ATP2C1: variants seen among roughly 807,000 people sequenced by gnomAD.
ATP2C1 encodes calcium-transporting ATPase type 2C member 1.
A neutral mutation model predicts 120.5 loss-of-function variants in ATP2C1; 31 were observed. That is an observed-to-expected ratio of 0.26 (90% CI 0.19 to 0.35). The LOEUF is 0.35. ATP2C1 is among the 10% of genes least tolerant of loss of function. The pLI, the probability that ATP2C1 is intolerant of heterozygous loss-of-function variation, is 1.00. For missense variants in ATP2C1, 731 were observed against 1,107.5 expected (o/e 0.66, Z 4.83); for synonymous variants, 351 against 358.7 (o/e 0.98, Z 0.24).
At chr3:130,948,913 T>C (rs2108510652) in intron 8 of ATP2C1, among the ~76,000 whole-genome samples, 3 of 152,294 alleles carry the variant, frequency 2.0e-5, no homozygotes, top group Admixed American at 2.0e-4. Context: ...GGGGCATCAT[T>C]AACGATGTTC....
intron 2 of ATP2C1, among the ~76,000 whole-genome samples, chr3:130,906,015 T>G (rs72628525): frequency 1.3e-5 from 2 of 152,124 alleles, no homozygotes; most frequent in Middle Eastern, 3.2e-3. Flanking sequence ...GTATGAATAC[T>G]AATTCTCTCA....
At chr3:130,931,749 A>G (rs962408254) in intron 3 of ATP2C1, among the ~76,000 whole-genome samples, 6 of 152,046 alleles carry the variant, frequency 3.9e-5, no homozygotes, top group South Asian at 2.1e-4. Context: ...AAAGTGTACA[A>G]TTTGCATTTT....
intron 18 of ATP2C1, among the ~76,000 whole-genome samples, chr3:130,976,683 T>A (rs1014570198): frequency 6.6e-6 from 1 of 151,048 alleles, no homozygotes; most frequent in Non-Finnish European, 1.5e-5. Context: ...ATCTGGAACA[T>A]GCCCTGGATC....
intron 2 of ATP2C1, among the ~76,000 whole-genome samples, chr3:130,905,004 C>T (rs1203295559): frequency 1.3e-5 from 2 of 152,032 alleles, no homozygotes; most frequent in Admixed American, 6.6e-5. Flanking sequence ...AATACCCTCT[C>T]TCATTTTGTG....
intron 20 of ATP2C1, among the ~76,000 whole-genome samples, chr3:130,991,804 G>A (rs1227725594): frequency 6.6e-6 from 1 of 152,164 alleles, no homozygotes; most frequent in Non-Finnish European, 1.5e-5. Context: ...CCAGAGGTTA[G>A]TTCCTGGATA....
chr3:131,016,165 A>C, exon 27 of ATP2C1: 1 of 1,613,816 alleles, frequency 6.2e-7, no homozygotes, highest in Non-Finnish European at 8.5e-7. Flanking sequence ...TGGCTCTGGG[A>C]GAGGAGTGGA....
chr3:130,921,979 G>A (rs1559926334), intron 2 of ATP2C1, among the ~76,000 whole-genome samples: 1 of 152,152 alleles, frequency 6.6e-6, no homozygotes, highest in Non-Finnish European at 1.5e-5. Flanking sequence ...TGGCTTCATA[G>A]AATGATTTAC....
intron 16 of ATP2C1, among the ~76,000 whole-genome samples, chr3:130,968,795 T>G (rs2061165622): frequency 6.6e-6 from 1 of 152,156 alleles, no homozygotes; most frequent in African/African-American, 2.4e-5. Flanking sequence ...ATATTTGATA[T>G]TGATGCAAAC....
intron 2 of ATP2C1, among the ~76,000 whole-genome samples, chr3:130,909,109 T>C (rs1173055089): frequency 6.6e-6 from 1 of 152,154 alleles, no homozygotes; most frequent in African/African-American, 2.4e-5. Context: ...GAACTTAAGG[T>C]TCAGTGAAGA....
At chr3:130,942,466 T>G (rs1386846276) in intron 8 of ATP2C1, among the ~76,000 whole-genome samples, 1 of 152,206 alleles carries the variant, frequency 6.6e-6, no homozygotes, top group Non-Finnish European at 1.5e-5. Flanking sequence ...TATGCAGGTC[T>G]TATCCACCAT....
chr3:130,872,150 G>T (rs1338591737), intron 1 of ATP2C1, among the ~76,000 whole-genome samples: 4 of 151,752 alleles, frequency 2.6e-5, no homozygotes, highest in Non-Finnish European at 4.4e-5. Flanking sequence ...AATTTCAATT[G>T]TTGATTTAAA....
At chr3:130,860,242 A>G (rs2067972561) in intron 1 of ATP2C1, among the ~76,000 whole-genome samples, 1 of 152,254 alleles carries the variant, frequency 6.6e-6, no homozygotes, top group Non-Finnish European at 1.5e-5. Context: ...GCTTTTGTTC[A>G]GAATGAAAGA....
chr3:130,875,891 T>TC (rs2068586073), intron 1 of ATP2C1, among the ~76,000 whole-genome samples: 1 of 152,040 alleles, frequency 6.6e-6, no homozygotes, highest in African/African-American at 2.4e-5. Context: ...GTGTTTTTTT[T>TC]TTTTATGTAC....
chr3:130,937,396 G>A, intron 5 of ATP2C1, 32 bp from the exon 6 acceptor site: 2 of 1,599,550 alleles, frequency 1.3e-6, no homozygotes, highest in Non-Finnish European at 1.7e-6. Context: ...TCAAGTTAAT[G>A]TCTGATTTAA....
intron 1 of ATP2C1, among the ~76,000 whole-genome samples, chr3:130,888,625 A>G (rs1438996626): frequency 6.6e-6 from 1 of 152,182 alleles, no homozygotes; most frequent in African/African-American, 2.4e-5. Context: ...CACTGAGTTC[A>G]ATAGAAAGAC....
At chr3:130,998,511 C>A in intron 26 of ATP2C1, 122 bp downstream of exon 26, 1 of 749,954 alleles carries the variant, frequency 1.3e-6, no homozygotes, top group Non-Finnish European at 2.3e-6. Context: ...CAGATTGCAG[C>A]CCCAGACACA....
intron 1 of ATP2C1, among the ~76,000 whole-genome samples, chr3:130,854,483 T>A (rs2067773118): frequency 1.3e-5 from 2 of 152,176 alleles, no homozygotes; most frequent in South Asian, 4.1e-4. Context: ...TGGTGTCTAG[T>A]TTATAAGGAA....
At chr3:130,997,807 G>A in intron 25 of ATP2C1, 54 bp downstream of exon 25, 1 of 1,588,038 alleles carries the variant, frequency 6.3e-7, no homozygotes, top group Non-Finnish European at 8.6e-7. Context: ...TATCTGATAG[G>A]ATTCTTAGTT....
Position 131,001,260 on chromosome 3 carries a change from A to G in ATP2C1, c.2670A>G (p.Ile890Met). The G allele has an allele frequency of 1.2e-6, 2 of 1,613,950 alleles. No individual in the cohort carries two copies. Among genetic ancestry groups the G allele is most frequent in the Non-Finnish European group, 1.7e-6 (2 of 1,179,924 alleles). Residue 890 changes from isoleucine to methionine, a missense_variant, in exon 28 of 28, where the codon ATA (isoleucine) becomes ATG (methionine). Physicochemically the swap from Ile to Met is conservative, Grantham distance 10. This residue lies in a region of ATP2C1 where 141 missense variants were observed against 201.6 expected (regional missense o/e 0.70). Transcript: ENST00000510168. ...FLLGLTSSVC[I>M]VAEIIKKVER... ...TGGGTCTCACCTCATCAGTGTGCAT[A>G]GTGGCAGAAATTATAAAGAAGGTTG...
Sources: allele counts gnomAD v4.1 joint callset (sites outside exome capture counted in the v4.1 genomes callset), GRCh38; gene constraint gnomAD v4.1.1; regional missense constraint gnomAD v4.1.1; transcripts MANE v1.5; gene names NCBI Gene and HGNC (gene_info 2026-07-23, HGNC 2026-07-21).